MSANTD3: variants seen among roughly 807,000 people sequenced by gnomAD.
MSANTD3 encodes the protein myb/SANT-like DNA-binding domain-containing protein 3.
Under a neutral mutation model 27.7 loss-of-function variants are expected in MSANTD3, and 11 were observed. That is an observed-to-expected ratio of 0.40 (90% CI 0.25 to 0.66). The LOEUF (loss-of-function observed/expected upper bound fraction) is 0.66. Ranked by LOEUF, MSANTD3 falls within the 30% of genes least tolerant of loss-of-function variation. The pLI, the probability that MSANTD3 is intolerant of heterozygous loss-of-function variation, is 0.41. For synonymous variants in MSANTD3, 131 were observed against 127.2 expected, an observed-to-expected ratio of 1.03 and a Z score of -0.20; for missense variants, 250 against 336.5, an observed-to-expected ratio of 0.74 and a Z score of 2.01.
chr9:100,450,475 C>T (rs1353033794), intron 2 of MSANTD3, 82 bp from the exon 3 acceptor site: 1 of 1,275,956 alleles, frequency 7.8e-7, no homozygotes, highest in East Asian at 2.4e-5. Flanking sequence ...ATGAAGGACC[C>T]TGTCATTTGA....
chr9:100,435,930 G>A (rs1836469249), intron 1 of MSANTD3, among the ~76,000 whole-genome samples: 1 of 152,236 alleles, frequency 6.6e-6, no homozygotes, highest in Admixed American at 6.5e-5. Context: ...GTTTTAAGTT[G>A]GATAGTAAAT....
At chr9:100,428,572 G>A (rs1266725475) in intron 1 of MSANTD3, among the ~76,000 whole-genome samples, 1 of 152,086 alleles carries the variant, frequency 6.6e-6, no homozygotes, top group Non-Finnish European at 1.5e-5. Flanking sequence ...CTCCCGTAGA[G>A]ACCCGGGCTA....
intron 1 of MSANTD3, among the ~76,000 whole-genome samples, chr9:100,431,658 G>A (rs1206797129): frequency 2.6e-5 from 4 of 152,100 alleles, no homozygotes; most frequent in Admixed American, 6.5e-5. Flanking sequence ...ACTATGTGCT[G>A]AAGATAGATA....
At chr9:100,439,073 T>A (rs1158132114) in intron 1 of MSANTD3, among the ~76,000 whole-genome samples, 2 of 152,178 alleles carry the variant, frequency 1.3e-5, no homozygotes, top group African/African-American at 4.8e-5. Context: ...GGGTACCTGG[T>A]ATTTGGAGAT....
At chr9:100,449,620 A>T (rs1181817629) in intron 2 of MSANTD3, among the ~76,000 whole-genome samples, 1 of 152,160 alleles carries the variant, frequency 6.6e-6, no homozygotes, top group African/African-American at 2.4e-5. Context: ...GCATGACCTT[A>T]TAAAGGATGT....
intron 2 of MSANTD3, among the ~76,000 whole-genome samples, chr9:100,446,435 A>C (rs775538770): frequency 6.6e-6 from 1 of 151,936 alleles, no homozygotes; most frequent in African/African-American, 2.4e-5. Context: ...ATCCTTTTAC[A>C]TGTGTTTTGT....
Position 100,448,792 on chromosome 9 carries a change from G to A in MSANTD3, c.419-1765G>A. The stretch of plus-strand genomic sequence containing the variant: ...TGAGGCCAGAGCTGTCTCCAGGAAA[G>A]ATTTCCAAGAGACATTTTCATTATT... On this transcript the variant is annotated intron_variant, in intron 2 of 2. Coordinates refer to ENST00000395067, the MANE Select transcript of MSANTD3 (RefSeq NM_080655.3). 3 of 985,374 alleles carry A rather than the reference G, an allele frequency of 3.0e-6. No individual in the cohort carries two copies. In the South Asian group the frequency reaches 1.4e-4, roughly 46 times the overall value. The allele number at this position is 985,374 out of a possible 1,614,324, so 61.0% of individuals were successfully genotyped here.
intron 2 of MSANTD3, chr9:100,445,224 T>C (rs770833179): frequency 2.5e-6 from 4 of 1,605,500 alleles, no homozygotes; most frequent in Non-Finnish European, 3.4e-6. Flanking sequence ...TTTCTGGGAC[T>C]TGGTAGGAAA....
At chr9:100,449,221 C>T (rs1836826273) in intron 2 of MSANTD3, 2 of 985,314 alleles carry the variant, frequency 2.0e-6, no homozygotes, top group African/African-American at 3.5e-5. Flanking sequence ...CTAATTGACA[C>T]TGATGTTACT....
At chr9:100,449,603 A>G (rs1168693778) in intron 2 of MSANTD3, among the ~76,000 whole-genome samples, 1 of 152,040 alleles carries the variant, frequency 6.6e-6, no homozygotes, top group Non-Finnish European at 1.5e-5. Flanking sequence ...CAGAATTATG[A>G]AAAAAAGCAT....
At chr9:100,446,963 T>A (rs1836768964) in intron 2 of MSANTD3, among the ~76,000 whole-genome samples, 1 of 152,186 alleles carries the variant, frequency 6.6e-6, no homozygotes, top group East Asian at 1.9e-4. Flanking sequence ...TTCCTGTATC[T>A]GGGGTTTGGC....
Position 100,427,769 on chromosome 9 carries a change from C to T in MSANTD3, c.-34+376C>T, listed in dbSNP as rs77626545. Among the ~76,000 whole-genome samples, 1,030 of 152,258 alleles carry T rather than the reference C, an allele frequency of 6.8e-3. 7 individuals are homozygous for T. The highest frequency in any genetic ancestry group is 0.024 in the African/African-American group (997 of 41,552). ...ACTGTGTGCTGATCACTGTGCTCGG[C>T]GCTTTTCCATACTTGTCTCCTTTAA... On this transcript the variant is annotated intron_variant, in intron 1 of 2. Transcript: ENST00000395067.
chr9:100,443,009 G>A (rs191036739), intron 2 of MSANTD3, among the ~76,000 whole-genome samples: 1 of 152,142 alleles, frequency 6.6e-6, no homozygotes, highest in East Asian at 1.9e-4. Context: ...ATGAAGATTT[G>A]TATTCATCCA....
intron 1 of MSANTD3, among the ~76,000 whole-genome samples, chr9:100,434,394 G>A (rs1369759652): frequency 6.6e-6 from 1 of 152,138 alleles, no homozygotes; most frequent in Non-Finnish European, 1.5e-5. Context: ...GCTGAGTGTG[G>A]TGATGGGTGC....
At chr9:100,435,129 G>A (rs1053946173) in intron 1 of MSANTD3, among the ~76,000 whole-genome samples, 3 of 152,218 alleles carry the variant, frequency 2.0e-5, no homozygotes, top group Non-Finnish European at 4.4e-5. Context: ...GAGGGAATGA[G>A]GCAGGGCCGG....
chr9:100,438,340 A>G (rs898576915), intron 1 of MSANTD3, among the ~76,000 whole-genome samples: 1 of 152,254 alleles, frequency 6.6e-6, no homozygotes, highest in Non-Finnish European at 1.5e-5. Flanking sequence ...GATATAACAT[A>G]AGTCTTAAGT....
rs866112652 is a variant in MSANTD3, at chr9:100,442,325, G to A, written c.387G>A (p.Glu129=). 6.2e-6 allele frequency: 10 copies of A among 1,613,390 alleles called. No homozygotes were observed. In the African/African-American group the frequency reaches 1.1e-4, roughly 17 times the overall value. Residue 129 remains glutamate, a synonymous_variant, in exon 2 of 3, where the codon GAG becomes GAA. Coordinates refer to ENST00000395067, the MANE Select transcript of MSANTD3 (RefSeq NM_080655.3). ...LYFLQSPPEE[E]PEYHPDASAQ... ...TCCTGCAGAGCCCCCCGGAGGAGGA[G>A]CCCGAATACCACCCCGACGCCTCAG...
At chr9:100,447,784 C>G (rs1384949032) in intron 2 of MSANTD3, among the ~76,000 whole-genome samples, 1 of 152,182 alleles carries the variant, frequency 6.6e-6, no homozygotes, top group Non-Finnish European at 1.5e-5. Flanking sequence ...AAGCACTAGC[C>G]TAGGACCTAG....
chr9:100,440,021 C>T (rs1836568782), intron 1 of MSANTD3, among the ~76,000 whole-genome samples: 1 of 152,040 alleles, frequency 6.6e-6, no homozygotes. Context: ...TTTGCCGTAA[C>T]ATATTTGAGA....
Sources: allele counts gnomAD v4.1 joint callset (sites outside exome capture counted in the v4.1 genomes callset), GRCh38; gene constraint gnomAD v4.1.1; transcripts MANE v1.5; gene names NCBI Gene and HGNC (gene_info 2026-07-23, HGNC 2026-07-21).